Variants in ZNF577 observed in about 807,000 individuals in gnomAD.
ZNF577 encodes the protein zinc finger protein 577.
A neutral mutation model predicts 13.9 loss-of-function variants in ZNF577; 14 were observed. The ratio of observed to expected loss-of-function variants is 1.00; its 90% CI spans 0.66 to 1.57. The LOEUF is 1.57. Among genes scored for constraint, ZNF577 ranks in the 40% most tolerant of loss-of-function variants. The probability of loss-of-function intolerance (pLI) is 0.00; values close to 1 mark genes in which losing one functional copy is unlikely to be tolerated. For missense variants in ZNF577, 555 were observed against 579.2 expected (o/e 0.96, Z 0.43); for synonymous variants, 203 against 202.9 (o/e 1.00, Z 0.00).
At chr19:51,835,182 AAG>A (rs2084281874) in intron 9 of ZNF577, among the ~76,000 whole-genome samples, 1 of 152,136 alleles carries the variant, frequency 6.6e-6, no homozygotes, top group Non-Finnish European at 1.5e-5. Context: ...ATCAAGAAAA[AAG>A]AGAAAATACA....
Position 51,824,785 on chromosome 19 carries a change from A to T in ZNF577, c.*600-13111T>A. 6.2e-7 allele frequency: 1 copy of T among 1,612,796 alleles called. No homozygotes were observed. Among genetic ancestry groups the T allele is most frequent in the South Asian group, 1.1e-5 (1 of 90,996 alleles). On this transcript the variant is annotated intron_variant and NMD_transcript_variant, in intron 9 of 10. Coordinates refer to the ZNF577 transcript ENST00000638827. This position sits in a 1 kb window ranked among gnomAD's most constrained non-coding sequence, Gnocchi z 4.7. ...GACACCACTTCTGCTTCACCTCCTG[A>T]GGAGACGGAGTTACAAGCAATGTGA...
At chr19:51,828,239 G>C (rs1280288081) in intron 9 of ZNF577, among the ~76,000 whole-genome samples, 1 of 152,040 alleles carries the variant, frequency 6.6e-6, no homozygotes, top group African/African-American at 2.4e-5. Flanking sequence ...ATGGTGGTGT[G>C]CACCTATAAT....
chr19:51,839,685 G>T (rs1487691899), intron 9 of ZNF577: 2 of 152,110 alleles, frequency 1.3e-5, no homozygotes, highest in Non-Finnish European at 2.9e-5. Context: ...ACTCCGCATC[G>T]CTTGCTCGCT....
intron 5 of ZNF577, among the ~76,000 whole-genome samples, chr19:51,848,052 G>A (rs192634440): frequency 8.1e-4 from 123 of 152,314 alleles, no homozygotes; most frequent in African/African-American, 2.8e-3. Context: ...TACAGACTGC[G>A]AGACAGCCAT....
intron 3 of ZNF577, 41 bp downstream of exon 3, chr19:51,880,282 G>A (rs113714800): frequency 1.3e-6 from 2 of 1,599,354 alleles, no homozygotes; most frequent in African/African-American, 2.7e-5. Context: ...CTCTCTGAAG[G>A]AAAGAAGTTT....
intron 9 of ZNF577, among the ~76,000 whole-genome samples, chr19:51,830,148 A>C (rs914782163): frequency 2.0e-5 from 3 of 152,068 alleles, no homozygotes; most frequent in African/African-American, 7.2e-5. Context: ...AAAAAAAAAA[A>C]AAAACAGAGG....
intron 10 of ZNF577, among the ~76,000 whole-genome samples, chr19:51,808,379 A>C (rs1043917363): frequency 1.3e-5 from 2 of 152,190 alleles, no homozygotes; most frequent in Non-Finnish European, 2.9e-5. Context: ...GATTCCATTT[A>C]GTCAAAGCCT....
At chr19:51,829,217 G>A (rs2122512889) in intron 9 of ZNF577, among the ~76,000 whole-genome samples, 1 of 152,248 alleles carries the variant, frequency 6.6e-6, no homozygotes, top group East Asian at 1.9e-4. Flanking sequence ...AGGGGACTGG[G>A]CAGCTCACAG....
chr19:51,876,241 T>C (rs1180647926), intron 5 of ZNF577, among the ~76,000 whole-genome samples: 4 of 152,162 alleles, frequency 2.6e-5, no homozygotes, highest in African/African-American at 9.7e-5. Context: ...TACATGATGG[T>C]AGAAACAACT....
intron 9 of ZNF577, among the ~76,000 whole-genome samples, chr19:51,819,139 T>C (rs2084168930): frequency 1.3e-5 from 2 of 152,178 alleles, no homozygotes; most frequent in African/African-American, 4.8e-5. Context: ...ACTGAATATT[T>C]AAACTCCAAA....
chr19:51,851,474 T>C (rs2084378262), intron 5 of ZNF577, among the ~76,000 whole-genome samples: 4 of 152,230 alleles, frequency 2.6e-5, no homozygotes, highest in Middle Eastern at 3.4e-3. Context: ...AAGTGGTGGG[T>C]TACTATTCTT....
Position 51,867,560 on chromosome 19 carries a change from G to T in ZNF577, c.*4972C>A, listed in dbSNP as rs1291884338. On this transcript the variant is annotated 3_prime_UTR_variant, in exon 6 of 6. Coordinates refer to ENST00000638348, the MANE Select transcript of ZNF577 (RefSeq NM_001370449.1). ...GAGGCTGAGGTGGGCGGATCACAAG[G>T]TCAGGAGTTCGAGACCAGACTGGCC... Among the ~76,000 whole-genome samples, 3 of 150,908 alleles carry T rather than the reference G, an allele frequency of 2.0e-5. No homozygotes were observed. Among genetic ancestry groups the T allele is most frequent in the African/African-American group, 4.9e-5 (2 of 40,940 alleles).
At chr19:51,841,803 C>T (rs2084322392) in intron 8 of ZNF577, among the ~76,000 whole-genome samples, 1 of 152,138 alleles carries the variant, frequency 6.6e-6, no homozygotes, top group South Asian at 2.1e-4. Flanking sequence ...CCTGTAATCC[C>T]ACCTACTTGG....
At chr19:51,866,187 A>C (rs950067498), downstream of ZNF577, among the ~76,000 whole-genome samples, 1 of 151,982 alleles carries the variant, frequency 6.6e-6, no homozygotes, top group African/African-American at 2.4e-5. Flanking sequence ...AAAGACTTGA[A>C]CACTTATAAT....
intron 5 of ZNF577, among the ~76,000 whole-genome samples, chr19:51,852,061 A>G (rs540011475): frequency 1.3e-5 from 2 of 152,268 alleles, no homozygotes; most frequent in South Asian, 4.1e-4. Flanking sequence ...GGCTTCCTAC[A>G]CTGCACATCC....
chr19:51,824,359 T>C lies in ZNF577; in HGVS notation c.*600-12685A>G. ...ACCATGGCCAAGGTCTTTCTGATCC[T>C]CCACTTCATTATTGGCTTCAGCGTG... On this transcript the variant is annotated intron_variant and NMD_transcript_variant, in intron 9 of 10. Coordinates refer to the ZNF577 transcript ENST00000638827. This position sits in a 1 kb window ranked among gnomAD's most constrained non-coding sequence, Gnocchi z 4.7. 6.2e-7 allele frequency: 1 copy of C among 1,614,144 alleles called. No homozygotes were observed. The highest frequency in any genetic ancestry group is 8.5e-7 in the Non-Finnish European group (1 of 1,180,006).
At position 51,873,142 on chromosome 19, in the gene ZNF577, G is replaced by A; in HGVS notation, c.848C>T (p.Ala283Val). ...SVCGKAFSQK[A>V]YLTAHQRLHT... is the part of the protein sequence containing the mutation. ...AAGTCTCTGGTGTGCAGTGAGGTAT[G>A]CCTTCTGAGAAAAGGCTTTCCCACA... The change falls in exon 6 of 6, where the codon GCA (alanine) becomes GTA (valine). Residue 283 changes from alanine (A) to valine (V), a missense_variant. Physicochemically the swap from Ala to Val is moderately conservative, Grantham distance 64. Transcript: ENST00000638348. 6.2e-7 allele frequency: 1 copy of A among 1,614,146 alleles called. No individual in the cohort carries two copies. The highest frequency in any genetic ancestry group is 8.5e-7 in the Non-Finnish European group (1 of 1,180,026).
At chr19:51,813,915 A>AG (rs2084115932) in intron 9 of ZNF577, among the ~76,000 whole-genome samples, 1 of 152,134 alleles carries the variant, frequency 6.6e-6, no homozygotes, top group Non-Finnish European at 1.5e-5. Context: ...CTGGCTCTGG[A>AG]GGGCCCGTTG....
chr19:51,811,827 G>A (rs1207231130), intron 9 of ZNF577, among the ~76,000 whole-genome samples: 1 of 152,172 alleles, frequency 6.6e-6, no homozygotes, highest in Non-Finnish European at 1.5e-5. Context: ...AGTGGGAGTA[G>A]TCGTGAGTTT....
Sources: allele counts gnomAD v4.1 joint callset (sites outside exome capture counted in the v4.1 genomes callset), GRCh38; gene constraint gnomAD v4.1.1; non-coding constraint Gnocchi (gnomAD v3.1); transcripts MANE v1.5; gene names NCBI Gene and HGNC (gene_info 2026-07-23, HGNC 2026-07-21).